Variants in STARD13 observed in about 807,000 individuals in gnomAD.
STARD13 encodes StAR related lipid transfer domain containing 13.
A neutral mutation model predicts 106.4 loss-of-function variants in STARD13; 62 were observed. That is an observed-to-expected ratio of 0.58 (90% CI 0.48 to 0.72). The LOEUF is 0.72. Ranked by LOEUF, STARD13 falls within the 30% of genes least tolerant of loss-of-function variation. STARD13 has a pLI of 0.00. For missense variants in STARD13, 1,387 were observed against 1,424.0 expected, an observed-to-expected ratio of 0.97 and a Z score of 0.42; for synonymous variants, 565 against 553.0, an observed-to-expected ratio of 1.02 and a Z score of -0.31.
At chr13:33,348,335 C>T (rs1438950328), downstream of STARD13, among the ~76,000 whole-genome samples, 1 of 152,190 alleles carries the variant, frequency 6.6e-6, no homozygotes, top group Non-Finnish European at 1.5e-5. Flanking sequence ...TTTTTCCCTT[C>T]ACCACCTTAA....
the STARD13 span, among the ~76,000 whole-genome samples, chr13:33,392,932 C>T: frequency 7.9e-5 from 12 of 152,290 alleles, 1 homozygote; most frequent in South Asian, 1.7e-3. Context: ...TGTAGAATTG[C>T]GCTTTGTTTA....
chr13:33,489,171 T>C, the STARD13 span, among the ~76,000 whole-genome samples: 1 of 152,240 alleles, frequency 6.6e-6, no homozygotes, highest in East Asian at 1.9e-4. Flanking sequence ...TATTTTATTA[T>C]TAGTTTTCTT....
At chr13:33,345,656 C>T (rs1424519994), downstream of STARD13, among the ~76,000 whole-genome samples, 1 of 152,106 alleles carries the variant, frequency 6.6e-6, no homozygotes, top group African/African-American at 2.4e-5. Flanking sequence ...GGAAATTTAG[C>T]AACTGCCACG....
At chr13:33,592,326 T>C in the STARD13 span, among the ~76,000 whole-genome samples, 1 of 152,222 alleles carries the variant, frequency 6.6e-6, no homozygotes, top group Non-Finnish European at 1.5e-5. Context: ...AGTTACTATA[T>C]TGTATAATAT....
chr13:33,267,349 T>C (rs939966652), intron 1 of STARD13, among the ~76,000 whole-genome samples: 3 of 152,236 alleles, frequency 2.0e-5, no homozygotes, highest in Non-Finnish European at 2.9e-5. Context: ...GACCAAGGGA[T>C]AGAAGCTGAA....
At chr13:33,165,638 CT>C (rs1277597368) in intron 2 of STARD13, among the ~76,000 whole-genome samples, 11 of 152,276 alleles carry the variant, frequency 7.2e-5, no homozygotes, top group African/African-American at 2.2e-4. Context: ...AGTGCTTGAC[CT>C]TGGATAGGAT....
chr13:33,338,374 T>C (rs936808198), intron 1 of STARD13, among the ~76,000 whole-genome samples: 3 of 152,228 alleles, frequency 2.0e-5, no homozygotes, highest in African/African-American at 7.2e-5. Flanking sequence ...TAGGTCTCCA[T>C]CAAATTCCAT....
At chr13:33,446,484 A>G in the STARD13 span, among the ~76,000 whole-genome samples, 2 of 152,052 alleles carry the variant, frequency 1.3e-5, no homozygotes, top group African/African-American at 4.8e-5. Context: ...TATACTTTTT[A>G]TTTTTGTTTA....
At chr13:33,414,274 T>C in the STARD13 span, among the ~76,000 whole-genome samples, 1 of 152,186 alleles carries the variant, frequency 6.6e-6, no homozygotes, top group East Asian at 1.9e-4. Context: ...TTCAGAAATT[T>C]CTTCCAGCAA....
intron 1 of STARD13, among the ~76,000 whole-genome samples, chr13:33,190,880 G>A (rs373928903): frequency 1.4e-4 from 21 of 152,054 alleles, no homozygotes; most frequent in Middle Eastern, 3.4e-3. Context: ...CACCGTACCC[G>A]GCCACTACAC....
the STARD13 span, among the ~76,000 whole-genome samples, chr13:33,604,167 A>G: frequency 6.6e-6 from 1 of 152,208 alleles, no homozygotes; most frequent in Non-Finnish European, 1.5e-5. Context: ...TATTATGCAG[A>G]GTGGACTACC....
At chr13:33,134,214 T>C (rs1423656335) in intron 4 of STARD13, among the ~76,000 whole-genome samples, 1 of 133,222 alleles carries the variant, frequency 7.5e-6, no homozygotes, top group East Asian at 2.2e-4. Context: ...TTGGGCCATA[T>C]TGGAAGAAGA....
the STARD13 span, among the ~76,000 whole-genome samples, chr13:33,358,884 G>A: frequency 8.5e-5 from 13 of 152,238 alleles, no homozygotes; most frequent in South Asian, 1.9e-3. Flanking sequence ...TGCACCAATC[G>A]ACACTCTGTA....
At chr13:33,146,970 A>G (rs1447775678) in intron 3 of STARD13, among the ~76,000 whole-genome samples, 1 of 152,190 alleles carries the variant, frequency 6.6e-6, no homozygotes, top group Non-Finnish European at 1.5e-5. Context: ...AGCTTCCCCA[A>G]AACTCCGTTA....
the STARD13 span, among the ~76,000 whole-genome samples, chr13:33,499,519 TTTCTTC>T: frequency 5.9e-3 from 538 of 91,480 alleles, 6 homozygotes; most frequent in Non-Finnish European, 8.2e-3. Flanking sequence ...TTCTTCTTTC[TTTCTTC>T]TTCTTCTTCT....
At chr13:33,250,357 T>C (rs1006140996) in intron 1 of STARD13, among the ~76,000 whole-genome samples, 9 of 152,224 alleles carry the variant, frequency 5.9e-5, no homozygotes, top group African/African-American at 2.2e-4. Flanking sequence ...ATTAAGTGTG[T>C]GTCTCTCACC....
chr13:33,471,290 G>A, the STARD13 span, among the ~76,000 whole-genome samples: 3 of 152,280 alleles, frequency 2.0e-5, no homozygotes, highest in African/African-American at 7.2e-5. Context: ...ATAGAGAGTA[G>A]CAGAGAGATC....
At chr13:33,348,138 C>A (rs1381962042), downstream of STARD13, among the ~76,000 whole-genome samples, 1 of 152,160 alleles carries the variant, frequency 6.6e-6, no homozygotes, top group Non-Finnish European at 1.5e-5. Context: ...GAGTGGTAAG[C>A]AGATTATGGG....
Position 33,130,311 on chromosome 13 carries a change from G to T in STARD13, c.388-22C>A, listed in dbSNP as rs1051127298. On this transcript the variant is annotated intron_variant, in intron 4 of 13. Coordinates refer to ENST00000336934, the MANE Select transcript of STARD13 (RefSeq NM_178006.4). The surrounding 1 kb of genome is among the most constrained non-coding windows in gnomAD (Gnocchi z 4.1). ...CACCCTGCAGAGCACCAAGGAAAAT[G>T]CTCATTAGCAGACAGCGTGGCTGAA... 6.3e-7 allele frequency: 1 copy of T among 1,592,124 alleles called. No homozygotes were observed. The highest frequency in any genetic ancestry group is 8.5e-7 in the Non-Finnish European group (1 of 1,174,876).
Sources: allele counts gnomAD v4.1 joint callset (sites outside exome capture counted in the v4.1 genomes callset), GRCh38; gene constraint gnomAD v4.1.1; non-coding constraint Gnocchi (gnomAD v3.1); transcripts MANE v1.5; gene names NCBI Gene and HGNC (gene_info 2026-07-23, HGNC 2026-07-21).